FOXL2: variants seen among roughly 807,000 people sequenced by gnomAD.
FOXL2 encodes the protein forkhead box protein L2.
Under a neutral mutation model 2.5 loss-of-function variants are expected in FOXL2, and 3 were observed. That is an observed-to-expected ratio of 1.20 (90% CI 0.55 to 3.11). The LOEUF is 3.11. Ranked by LOEUF, FOXL2 falls within the 30% of genes most tolerant of loss-of-function variation. The pLI is 0.03. For missense variants in FOXL2, 512 were observed against 570.0 expected (o/e 0.90, Z 1.04); for synonymous variants, 315 against 269.4 (o/e 1.17, Z -1.66).
rs945360627 is a variant in FOXL2, at chr3:138,944,595, G to A, written c.*997C>T. The A allele has an allele frequency of 1.3e-5, 3 of 233,062 alleles. No homozygotes were observed. The highest frequency in any genetic ancestry group is 6.6e-5 in the African/African-American group (3 of 45,320). The allele number at this position is 233,062 out of a possible 1,614,324, so 14.4% of individuals were successfully genotyped here. A position where few individuals can be genotyped will look rare whatever the true frequency, so the allele number is the denominator to read the frequency against. On this transcript the variant is annotated 3_prime_UTR_variant, in exon 1 of 1. Coordinates refer to ENST00000648323, the MANE Select transcript of FOXL2 (RefSeq NM_023067.4). ...TTTTTGATTTTTTTCTTCAGATAGG[G>A]AGAGGGTGAAACTTCCCCAATTGGT...
rs1935955731 is a variant in FOXL2, at chr3:138,945,989, A to C, written c.734T>G (p.Val245Gly). ...GGCGGCCGGGCCCGCCAGCCCCTTG[A>C]CCACAGCGGCCGCGCCAGGGCTACC... ...GPGSPGAAAV[V>G]KGLAGPAASY... Residue 245 changes from valine (V) to glycine (G), a missense_variant, in exon 1 of 1, where the codon GTC (valine) becomes GGC (glycine). By Grantham distance (109) the Val-to-Gly change is moderately radical (BLOSUM62 -3). Around this residue, in one of 5 missense-constraint regions of FOXL2, gnomAD observed 287 missense variants for 277.4 expected, o/e 1.03. Transcript: ENST00000648323. 2.8e-6 allele frequency: 4 copies of C among 1,407,072 alleles called. No individual in the cohort carries two copies. Among genetic ancestry groups the C allele is most frequent in the Non-Finnish European group, 3.7e-6 (4 of 1,093,978 alleles). 87.2% of individuals were successfully genotyped at this position (1,407,072 alleles called of 1,614,324 possible).
In FOXL2 at chr3:138,945,408, G is replaced by A. The variant is rs1935930748; in HGVS notation, c.*184C>T. The A allele has an allele frequency of 2.9e-6, 3 of 1,050,864 alleles. No homozygotes were observed. The highest frequency in any genetic ancestry group is 1.6e-5 in the South Asian group (1 of 61,672). 65.1% of individuals were successfully genotyped at this position (1,050,864 alleles called of 1,614,324 possible). A position where few individuals can be genotyped will look rare whatever the true frequency, so the allele number is the denominator to read the frequency against. Reference sequence around the variant, plus strand: ...AGCACAGGAGGACATAAACTGAGGGGACAAAGAGGAGCGACAGGAGCTTAG... The same window carrying A: ...AGCACAGGAGGACATAAACTGAGGGAACAAAGAGGAGCGACAGGAGCTTAG... On this transcript the variant is annotated 3_prime_UTR_variant, in exon 1 of 1. Transcript: ENST00000648323.
Position 138,945,675 on chromosome 3 carries a change from G to T in FOXL2, c.1048C>A (p.Gln350Lys). The T allele has an allele frequency of 1.3e-6, 2 of 1,585,592 alleles. No individual in the cohort carries two copies. The highest frequency in any genetic ancestry group is 1.7e-6 in the Non-Finnish European group (2 of 1,162,078). ...CAATGCATCATGGCGAGCTCGGGCTGCCGGGCACAAGCGAACTGCAGGCCC... is the reference window on the plus strand; with the variant it reads ...CAATGCATCATGGCGAGCTCGGGCTTCCGGGCACAAGCGAACTGCAGGCCC... ...APGLQFACAR[Q>K]PELAMMHCSY... The change falls in exon 1 of 1, where the codon CAG becomes AAG. Residue 350 changes from glutamine (Q) to lysine (K), a missense_variant. Around this residue, in one of 5 missense-constraint regions of FOXL2, gnomAD observed 66 missense variants for 58.3 expected, o/e 1.13. Coordinates refer to ENST00000648323, the MANE Select transcript of FOXL2 (RefSeq NM_023067.4).
Position 138,946,327 on chromosome 3 carries a change from C to T in FOXL2, c.396G>A (p.Pro132=), listed in dbSNP as rs2107744505. 6.2e-7 allele frequency: 1 copy of T among 1,613,872 alleles called. No individual in the cohort carries two copies. The highest frequency in any genetic ancestry group is 8.5e-7 in the Non-Finnish European group (1 of 1,179,934). Residue 132 remains proline (P), a synonymous_variant, in exon 1 of 1, where the codon CCG becomes CCA. Coordinates refer to ENST00000648323, the MANE Select transcript of FOXL2 (RefSeq NM_023067.4). ...CCTTCTCGAACATGTCTTCGCAGGC[C>T]GGGTCCAGCGTCCAGTAGTTGCCCT... ...ERKGNYWTLD[P]ACEDMFEKGN... is the part of the protein sequence containing the mutation.
At position 138,945,235 on chromosome 3, in the gene FOXL2, G is replaced by GAATGAAGTGGTGTAGAT; in HGVS notation, c.*356_*357insATCTACACCACTTCATT. On this transcript the variant is annotated 3_prime_UTR_variant, in exon 1 of 1. Transcript: ENST00000648323. ...AGGCCAAGAGGTCTGCGCTGCCGAC[G>GAATGAAGTGGTGTAGAT]CCCGGTCGCACCTCCGCCCCGGGCC... 1 of 253,838 alleles carries GAATGAAGTGGTGTAGAT rather than the reference G, an allele frequency of 3.9e-6. No homozygotes were observed. Among genetic ancestry groups the GAATGAAGTGGTGTAGAT allele is most frequent in the Non-Finnish European group, 7.7e-6 (1 of 129,486 alleles). The allele number at this position is 253,838 out of a possible 1,614,324, so 15.7% of individuals were successfully genotyped here. A position where few individuals can be genotyped will look rare whatever the true frequency, so the allele number is the denominator to read the frequency against.
In FOXL2 at chr3:138,945,151, T is replaced by G. The variant is rs1935921739; in HGVS notation, c.*441A>C. ...CAGTCCTGTCCGGCGCGTCTAGCCA[T>G]GGACTGCACGGCAGTCGGGCGGGGA... On this transcript the variant is annotated 3_prime_UTR_variant, in exon 1 of 1. Transcript: ENST00000648323. 4.1e-6 allele frequency: 1 copy of G among 243,312 alleles called. No homozygotes were observed. The highest frequency in any genetic ancestry group is 1.2e-3 in the Middle Eastern group (1 of 812). The allele number at this position is 243,312 out of a possible 1,614,324, so 15.1% of individuals were successfully genotyped here. A position where few individuals can be genotyped will look rare whatever the true frequency, so the allele number is the denominator to read the frequency against.
Position 138,946,004 on chromosome 3 carries a change from C to A in FOXL2, c.719G>T (p.Gly240Val). The A allele has an allele frequency of 7.2e-7, 1 of 1,396,250 alleles. No individual in the cohort carries two copies. The allele number at this position is 1,396,250 out of a possible 1,614,324, so 86.5% of individuals were successfully genotyped here. A position where few individuals can be genotyped will look rare whatever the true frequency, so the allele number is the denominator to read the frequency against. The change falls in exon 1 of 1, where the codon GGC becomes GTC. Residue 240 changes from glycine to valine, a missense_variant. Around this residue, in one of 5 missense-constraint regions of FOXL2, gnomAD observed 287 missense variants for 277.4 expected, o/e 1.03. Coordinates refer to ENST00000648323, the MANE Select transcript of FOXL2 (RefSeq NM_023067.4). ...AAAAAGPGSP[G>V]AAAVVKGLAG... is the part of the protein sequence containing the mutation. ...CAGCCCCTTGACCACAGCGGCCGCG[C>A]CAGGGCTACCGGGGCCCGCGGCTGC...
chr3:138,944,330 C>G lies in FOXL2; in HGVS notation c.*1262G>C. On this transcript the variant is annotated 3_prime_UTR_variant, in exon 1 of 1. Transcript: ENST00000648323. ...TCTAGTTCTCTCTAGAAAATTTGGT[C>G]CCCCAAACAACAAGCTACAGTACAA... is the stretch of plus-strand genomic sequence containing the variant. 1 of 233,394 alleles carries G rather than the reference C, an allele frequency of 4.3e-6. No individual in the cohort carries two copies. The highest frequency in any genetic ancestry group is 8.5e-6 in the Non-Finnish European group (1 of 117,842). 14.5% of individuals were successfully genotyped at this position (233,394 alleles called of 1,614,324 possible). A position where few individuals can be genotyped will look rare whatever the true frequency, so the allele number is the denominator to read the frequency against.
rs772334138 is a variant in FOXL2, at chr3:138,945,847, C to A, written c.876G>T (p.Pro292=). The A allele has an allele frequency of 5.5e-5, 68 of 1,226,106 alleles. No homozygotes were observed. In the South Asian group the frequency reaches 2.0e-3, roughly 36 times the overall value. The allele number at this position is 1,226,106 out of a possible 1,614,324, so 76.0% of individuals were successfully genotyped here. ...CGTGCAGATGGTGTGCGTGCGGATG[C>A]GGGTGGGGGTGCGGCGGAGGCGGGG... ...AAPPPPPHPH[P]HPHAHHLHAA... Residue 292 remains proline, a synonymous_variant, in exon 1 of 1, where the codon CCG becomes CCT. Transcript: ENST00000648323.
Position 138,944,343 on chromosome 3 carries a change from A to G in FOXL2, c.*1249T>C. On this transcript the variant is annotated 3_prime_UTR_variant, in exon 1 of 1. Transcript: ENST00000648323. The stretch of plus-strand genomic sequence containing the variant: ...AGAAAATTTGGTCCCCCAAACAACA[A>G]GCTACAGTACAACCAGGTCTATGGT... The G allele has an allele frequency of 4.3e-6, 1 of 233,346 alleles. No homozygotes were observed. Among genetic ancestry groups the G allele is most frequent in the Non-Finnish European group, 8.5e-6 (1 of 117,802 alleles). 14.5% of individuals were successfully genotyped at this position (233,346 alleles called of 1,614,324 possible). A position where few individuals can be genotyped will look rare whatever the true frequency, so the allele number is the denominator to read the frequency against.
At position 138,946,180 on chromosome 3, in the gene FOXL2, G is replaced by T. The variant is rs572394953; in HGVS notation, c.543C>A (p.Ala181=). ...CCAGGTAGCCGTAGCCGTCGGCCCC[G>T]GCGCCCGCCACGCCGCACCCGCCTG... ...GAAGGCGVAG[A]GADGYGYLAP... is the part of the protein sequence containing the mutation. The change falls in exon 1 of 1, where the codon GCC becomes GCA. Residue 181 remains alanine (A), a synonymous_variant. Coordinates refer to ENST00000648323, the MANE Select transcript of FOXL2 (RefSeq NM_023067.4). 1 of 1,484,656 alleles carries T rather than the reference G, an allele frequency of 6.7e-7. No individual in the cohort carries two copies. Among genetic ancestry groups the T allele is most frequent in the Non-Finnish European group, 8.9e-7 (1 of 1,124,166 alleles). The allele number at this position is 1,484,656 out of a possible 1,614,324, so 92.0% of individuals were successfully genotyped here. A position where few individuals can be genotyped will look rare whatever the true frequency, so the allele number is the denominator to read the frequency against.
At position 138,946,363 on chromosome 3, in the gene FOXL2, G is replaced by A. The variant is rs1935970897; in HGVS notation, c.360C>T (p.Gly120=). Residue 120 remains glycine (G), a synonymous_variant, in exon 1 of 1, where the codon GGC becomes GGT. Coordinates refer to ENST00000648323, the MANE Select transcript of FOXL2 (RefSeq NM_023067.4). ...TCCAGTAGTTGCCCTTGCGCTCGCC[G>A]CCGCCCTCGCGCGGCACCTTGATGA... is the stretch of plus-strand genomic sequence containing the variant. The part of the protein sequence containing the change: ...ECFIKVPREG[G]GERKGNYWTL... 13 of 1,613,988 alleles carry A rather than the reference G, an allele frequency of 8.1e-6. No individual in the cohort carries two copies. The highest frequency in any genetic ancestry group is 2.7e-5 in the African/African-American group (2 of 74,942).
Position 138,946,907 on chromosome 3 carries a change from G to C in FOXL2, c.-185C>G. 2 of 901,936 alleles carry C rather than the reference G, an allele frequency of 2.2e-6. No individual in the cohort carries two copies. Among genetic ancestry groups the C allele is most frequent in the South Asian group, 3.6e-5 (2 of 55,582 alleles). 55.9% of individuals were successfully genotyped at this position (901,936 alleles called of 1,614,324 possible). On this transcript the variant is annotated 5_prime_UTR_variant, in exon 1 of 1. Coordinates refer to ENST00000648323, the MANE Select transcript of FOXL2 (RefSeq NM_023067.4). ...CTCCCCTCTCCTTCCCCTTCCCCTA[G>C]GGAGCGGCCGGCGGGAGTGGAGCTC... is the stretch of plus-strand genomic sequence containing the variant.
chr3:138,946,921 G>T lies in FOXL2; in HGVS notation c.-199C>A, dbSNP rs1427173393. 21 of 793,116 alleles carry T rather than the reference G, an allele frequency of 2.6e-5. 1 individual carries two copies. The South Asian group carries it at 3.4e-4, about 13-fold the overall frequency. 49.1% of individuals were successfully genotyped at this position (793,116 alleles called of 1,614,324 possible). On this transcript the variant is annotated 5_prime_UTR_variant, in exon 1 of 1. Transcript: ENST00000648323. ...CCCTTCCCCTAGGGAGCGGCCGGCG[G>T]GAGTGGAGCTCAGCCTCTGGCCATG...
rs2107744486 is a variant in FOXL2, at chr3:138,946,319, T to G, written c.404A>C (p.Glu135Ala). The G allele has an allele frequency of 6.2e-7, 1 of 1,613,590 alleles. No homozygotes were observed. The highest frequency in any genetic ancestry group is 1.3e-5 in the African/African-American group (1 of 74,986). Residue 135 changes from glutamate to alanine, a missense_variant, in exon 1 of 1, where the codon GAA becomes GCA. By Grantham distance (107) the Glu-to-Ala change is moderately radical. Coordinates refer to ENST00000648323, the MANE Select transcript of FOXL2 (RefSeq NM_023067.4). ...GTAGTTGCCCTTCTCGAACATGTCT[T>G]CGCAGGCCGGGTCCAGCGTCCAGTA... is the stretch of plus-strand genomic sequence containing the variant. ...GNYWTLDPAC[E>A]DMFEKGNYRR...
chr3:138,946,960 A>G lies in FOXL2; in HGVS notation c.-238T>C, dbSNP rs1367728256. 2 of 588,316 alleles carry G rather than the reference A, an allele frequency of 3.4e-6. No individual in the cohort carries two copies. The highest frequency in any genetic ancestry group is 5.9e-6 in the Non-Finnish European group (2 of 340,242). 36.4% of individuals were successfully genotyped at this position (588,316 alleles called of 1,614,324 possible). On this transcript the variant is annotated 5_prime_UTR_variant, in exon 1 of 1. Coordinates refer to ENST00000648323, the MANE Select transcript of FOXL2 (RefSeq NM_023067.4). ...CCTCTGGCCATGGGGAGTCCGCCCA[A>G]CAGAGAGGGGCTCCGGCCTCGCCGC...
Position 138,945,526 on chromosome 3 carries a change from C to T in FOXL2, c.*66G>A, listed in dbSNP as rs1189290922. Reference sequence around the variant, plus strand: ...AGGCTGGCGGCGGCGTCGTCGGCTGCGACCGGGGCCGGCGTCGCGCGTCCC... The same window carrying T: ...AGGCTGGCGGCGGCGTCGTCGGCTGTGACCGGGGCCGGCGTCGCGCGTCCC... On this transcript the variant is annotated 3_prime_UTR_variant, in exon 1 of 1. Coordinates refer to ENST00000648323, the MANE Select transcript of FOXL2 (RefSeq NM_023067.4). 3 of 1,561,524 alleles carry T rather than the reference C, an allele frequency of 1.9e-6. No individual in the cohort carries two copies. In the African/African-American group the frequency reaches 4.1e-5, roughly 21 times the overall value.
chr3:138,946,287 G>A lies in FOXL2; in HGVS notation c.436C>T (p.Arg146Cys). 1 of 1,611,024 alleles carries A rather than the reference G, an allele frequency of 6.2e-7. No individual in the cohort carries two copies. Residue 146 changes from arginine to cysteine, a missense_variant, in exon 1 of 1, where the codon CGC becomes TGC. Arg to Cys is a radical substitution (Grantham distance 180, BLOSUM62 -3). Around this residue, in one of 5 missense-constraint regions of FOXL2, gnomAD observed 63 missense variants for 138.9 expected, o/e 0.45. Coordinates refer to ENST00000648323, the MANE Select transcript of FOXL2 (RefSeq NM_023067.4). Reference protein sequence around the residue: ...DMFEKGNYRRRRRMKRPFRPP... With the variant: ...DMFEKGNYRRCRRMKRPFRPP... ...CGGAAGGGCCTCTTCATGCGGCGGC[G>A]GCGCCGGTAGTTGCCCTTCTCGAAC...
In FOXL2 at chr3:138,947,000, G is replaced by A. The variant is rs561023238; in HGVS notation, c.-278C>T. 25 of 553,454 alleles carry A rather than the reference G, an allele frequency of 4.5e-5. No individual in the cohort carries two copies. Among genetic ancestry groups the A allele is most frequent in the Middle Eastern group, 4.7e-4 (1 of 2,118 alleles). The allele number at this position is 553,454 out of a possible 1,614,324, so 34.3% of individuals were successfully genotyped here. A position where few individuals can be genotyped will look rare whatever the true frequency, so the allele number is the denominator to read the frequency against. On this transcript the variant is annotated 5_prime_UTR_variant, in exon 1 of 1. Transcript: ENST00000648323. Reference sequence around the variant, plus strand: ...GGCCTCGCCGCCCCTCCCCGCTCAGGCCAGTCCCCGCCTTGGTGGGTTTTC... The same window carrying A: ...GGCCTCGCCGCCCCTCCCCGCTCAGACCAGTCCCCGCCTTGGTGGGTTTTC...
Sources: gnomAD v4.1 joint callset for allele counts on GRCh38, gnomAD v4.1.1 for gene constraint, gnomAD v4.1.1 regional missense constraint, MANE v1.5 for transcripts, NCBI Gene and HGNC (gene_info 2026-07-23, HGNC 2026-07-21) for gene names.